Variants in DGKI observed in about 807,000 individuals in gnomAD.
DGKI encodes the protein diacylglycerol kinase iota, also known as DAG kinase iota.
DGKI carries 55 observed loss-of-function variants against 147.5 expected under a neutral mutation model. The ratio of observed to expected loss-of-function variants is 0.37; its 90% confidence interval spans 0.30 to 0.47. DGKI has a LOEUF of 0.47. DGKI is among the 20% of genes least tolerant of loss of function. DGKI has a pLI of 1.00. For missense variants in DGKI, 1,007 were observed against 1,323.8 expected, an observed-to-expected ratio of 0.76 and a Z score of 3.71; for synonymous variants, 469 against 477.1, an observed-to-expected ratio of 0.98 and a Z score of 0.22.
chr7:137,673,777 T>C (rs1822933651), intron 3 of DGKI, among the ~76,000 whole-genome samples: 1 of 152,180 alleles, frequency 6.6e-6, no homozygotes, highest in Admixed American at 6.5e-5. Context: ...TCTGAGTAGG[T>C]GCACGATGGT....
At chr7:137,688,423 G>A (rs1823496100) in intron 2 of DGKI, among the ~76,000 whole-genome samples, 1 of 152,266 alleles carries the variant, frequency 6.6e-6, no homozygotes, top group Non-Finnish European at 1.5e-5. Context: ...CCATGAAATA[G>A]GGCCATGATT....
chr7:137,664,636 C>G (rs1468032144), intron 3 of DGKI, among the ~76,000 whole-genome samples: 1 of 152,108 alleles, frequency 6.6e-6, no homozygotes, highest in Non-Finnish European at 1.5e-5. Context: ...CCACCTGTGT[C>G]TACAGGTTAG....
intron 27 of DGKI, chr7:137,454,649 T>C (rs191489455): frequency 1.2e-4 from 18 of 152,292 alleles, no homozygotes; most frequent in African/African-American, 4.1e-4. Flanking sequence ...TGGCTTGCCT[T>C]TAGAAATCAG....
chr7:137,458,293 A>G (rs1285430839), intron 27 of DGKI, among the ~76,000 whole-genome samples: 1 of 152,224 alleles, frequency 6.6e-6, no homozygotes, highest in Admixed American at 6.5e-5. Flanking sequence ...AGCCTTGTGC[A>G]GCTGATCGGG....
chr7:137,765,884 C>G (rs1317306205), intron 1 of DGKI, among the ~76,000 whole-genome samples: 3 of 152,184 alleles, frequency 2.0e-5, no homozygotes, highest in African/African-American at 7.2e-5. Flanking sequence ...ACCCCCAAAG[C>G]TTTATCTATG....
At chr7:137,470,390 A>C (rs1337269457) in intron 23 of DGKI, among the ~76,000 whole-genome samples, 1 of 152,138 alleles carries the variant, frequency 6.6e-6, no homozygotes, top group Non-Finnish European at 1.5e-5. Flanking sequence ...TCTTCTCTCC[A>C]AAGTCAATCA....
At chr7:137,745,306 T>C (rs1795291461) in intron 1 of DGKI, among the ~76,000 whole-genome samples, 1 of 152,138 alleles carries the variant, frequency 6.6e-6, no homozygotes, top group South Asian at 2.1e-4. Context: ...GAAGACTACG[T>C]CCAAAGAAAT....
intron 27 of DGKI, among the ~76,000 whole-genome samples, chr7:137,460,830 T>G (rs1161237872): frequency 1.3e-5 from 2 of 152,186 alleles, no homozygotes; most frequent in African/African-American, 4.8e-5. Flanking sequence ...ATAATGCAAA[T>G]ATAGAAAAAC....
intron 28 of DGKI, among the ~76,000 whole-genome samples, chr7:137,439,382 G>A (rs984529717): frequency 6.6e-6 from 1 of 152,174 alleles, no homozygotes; most frequent in Admixed American, 6.5e-5. Flanking sequence ...AGTTCCATAT[G>A]GCTGGGGAGG....
chr7:137,510,303 A>G (rs1816537134), intron 21 of DGKI, among the ~76,000 whole-genome samples: 1 of 152,272 alleles, frequency 6.6e-6, no homozygotes, highest in Non-Finnish European at 1.5e-5. Context: ...AAGTACTAGT[A>G]CAACAAGATG....
intron 1 of DGKI, among the ~76,000 whole-genome samples, chr7:137,809,916 C>T (rs1797508383): frequency 6.6e-6 from 1 of 151,920 alleles, no homozygotes; most frequent in Admixed American, 6.6e-5. Context: ...AAAAAAAAAT[C>T]CACATAAGTT....
At chr7:137,769,324 T>C (rs895615304) in intron 1 of DGKI, among the ~76,000 whole-genome samples, 5 of 152,216 alleles carry the variant, frequency 3.3e-5, no homozygotes, top group Admixed American at 2.0e-4. Flanking sequence ...AAGTGAAAGC[T>C]ATCTGAGTCA....
At position 137,562,055 on chromosome 7, in the gene DGKI, G is replaced by A. The variant is rs183282206; in HGVS notation, c.1947+9120C>T. Among the ~76,000 whole-genome samples, 189 of 152,276 alleles carry A rather than the reference G, an allele frequency of 1.2e-3. 2 individuals are homozygous for A. The highest frequency in any genetic ancestry group is 0.011 in the Admixed American group (172 of 15,290). ...ATCATTGAAATTAAAGAAAAATGAC[G>A]CCAGATGGAAACTTGGATCAACAGG... On this transcript the variant is annotated intron_variant, in intron 19 of 32. Transcript: ENST00000614521.
intron 1 of DGKI, among the ~76,000 whole-genome samples, chr7:137,816,678 A>C (rs1354195294): frequency 1.3e-5 from 2 of 152,234 alleles, no homozygotes; most frequent in Non-Finnish European, 2.9e-5. Context: ...ATAACATTAG[A>C]TGGTATCAAA....
intron 28 of DGKI, among the ~76,000 whole-genome samples, chr7:137,412,444 A>G (rs1313213013): frequency 6.6e-6 from 1 of 152,108 alleles, no homozygotes; most frequent in Non-Finnish European, 1.5e-5. Flanking sequence ...TACAGTAAAT[A>G]TTTTAAAAAC....
chr7:137,582,894 C>T (rs890510035), intron 14 of DGKI, among the ~76,000 whole-genome samples: 1 of 152,126 alleles, frequency 6.6e-6, no homozygotes, highest in African/African-American at 2.4e-5. Flanking sequence ...TAAATAAAGA[C>T]GAGAAATGTT....
At chr7:137,420,627 A>G (rs918233416) in intron 28 of DGKI, among the ~76,000 whole-genome samples, 7 of 152,080 alleles carry the variant, frequency 4.6e-5, no homozygotes, top group Non-Finnish European at 1.0e-4. Context: ...TGGAGAAGAA[A>G]AAAAAAAAGA....
intron 21 of DGKI, among the ~76,000 whole-genome samples, chr7:137,513,416 A>G (rs1156514304): frequency 1.3e-5 from 2 of 152,262 alleles, no homozygotes; most frequent in African/African-American, 4.8e-5. Context: ...TTGCTGTATT[A>G]TCTTACAAAT....
At chr7:137,531,918 T>C (rs553929469) in intron 20 of DGKI, among the ~76,000 whole-genome samples, 1 of 152,244 alleles carries the variant, frequency 6.6e-6, no homozygotes, top group South Asian at 2.1e-4. Context: ...CTAAGCACTT[T>C]AACGAATTAA....
Sources: allele counts gnomAD v4.1 joint callset (sites outside exome capture counted in the v4.1 genomes callset), GRCh38; gene constraint gnomAD v4.1.1; transcripts MANE v1.5; gene names NCBI Gene and HGNC (gene_info 2026-07-23, HGNC 2026-07-21).